Variants in ACAA2 observed in about 807,000 individuals in gnomAD.
The protein encoded by ACAA2 is acetyl-CoA acyltransferase 2.
ACAA2 carries 35 observed loss-of-function variants against 44.8 expected under a neutral mutation model. The observed-to-expected ratio is 0.78, with a 90% CI of 0.60 to 1.04. The LOEUF is 1.04. ACAA2 is among the 50% of genes least tolerant of loss of function. ACAA2 has a pLI of 0.00. For missense variants in ACAA2, 468 were observed against 482.6 expected (o/e 0.97, Z 0.28); for synonymous variants, 142 against 166.5 (o/e 0.85, Z 1.13).
At chr18:49,786,299 C>T (rs2023328429) in intron 8 of ACAA2, 1 of 152,136 alleles carries the variant, frequency 6.6e-6, no homozygotes, top group East Asian at 1.9e-4. Context: ...AAACTATGGT[C>T]TGAGTTATGT....
At chr18:49,790,199 T>A (rs540673940) in intron 7 of ACAA2, among the ~76,000 whole-genome samples, 1 of 152,236 alleles carries the variant, frequency 6.6e-6, no homozygotes, top group Non-Finnish European at 1.5e-5. Context: ...AAGCTTAAGA[T>A]TGACTTTTCA....
intron 5 of ACAA2, among the ~76,000 whole-genome samples, chr18:49,793,338 T>C (rs555897975): frequency 7.0e-4 from 106 of 152,364 alleles, no homozygotes; most frequent in African/African-American, 2.5e-3. Context: ...TTTCCTTATA[T>C]GCCCTTATTT....
chr18:49,795,797 G>C lies in ACAA2; in HGVS notation c.397C>G (p.Arg133Gly), dbSNP rs760617913. ...TCTGATCCAAGCTTGGTTCCAAAAC[G>C]CACATTTCTGACACAGTAGGGAGCT... ...SQAPYCVRNVRFGTKLGSDIK... is the reference protein window; with the variant it reads ...SQAPYCVRNVGFGTKLGSDIK... Residue 133 changes from arginine to glycine, a missense_variant, in exon 4 of 10, where the codon CGT (arginine) becomes GGT (glycine). Arg to Gly is a moderately radical substitution (Grantham distance 125). Coordinates refer to ENST00000285093, the MANE Select transcript of ACAA2 (RefSeq NM_006111.3). The C allele has an allele frequency of 4.4e-6, 7 of 1,608,236 alleles. No individual in the cohort carries two copies.
At position 49,782,483 on chromosome 18, in the gene ACAA2, T is replaced by G. The variant is rs1028765720; in HGVS notation, c.*1364A>C. 1 of 151,476 alleles carries G rather than the reference T, an allele frequency of 6.6e-6. No homozygotes were observed. Among genetic ancestry groups the G allele is most frequent in the Non-Finnish European group, 1.5e-5 (1 of 67,972 alleles). The allele number at this position is 151,476 out of a possible 1,614,324, so 9.4% of individuals were successfully genotyped here. ...AACATCTAGTATTATTTAACATCTATTATTCAGTGAGCCATGACTGTGCCA... is the reference window on the plus strand; with the variant it reads ...AACATCTAGTATTATTTAACATCTAGTATTCAGTGAGCCATGACTGTGCCA... On this transcript the variant is annotated 3_prime_UTR_variant, in exon 10 of 10. Coordinates refer to ENST00000285093, the MANE Select transcript of ACAA2 (RefSeq NM_006111.3).
At chr18:49,796,027 T>C (rs539482588) in intron 3 of ACAA2, 146 bp from the exon 4 acceptor site, 2 of 560,016 alleles carry the variant, frequency 3.6e-6, no homozygotes, top group Non-Finnish European at 6.3e-6. Flanking sequence ...GCTTTTAAAG[T>C]AACTGTAAAG....
intron 7 of ACAA2, 66 bp downstream of exon 7, chr18:49,791,404 C>G (rs1006800802): frequency 2.3e-5 from 35 of 1,542,510 alleles, no homozygotes; most frequent in Middle Eastern, 2.4e-4. Context: ...TTTCAGGACT[C>G]TGAATGCCAA....
chr18:49,802,538 G>A, intron 2 of ACAA2, 149 bp downstream of exon 2: 1 of 699,898 alleles, frequency 1.4e-6, no homozygotes, highest in Non-Finnish European at 2.1e-6. Context: ...CTCCAGCCTG[G>A]CGGCAGAGCG....
At chr18:49,800,371 C>G (rs994801173) in intron 2 of ACAA2, among the ~76,000 whole-genome samples, 1 of 151,740 alleles carries the variant, frequency 6.6e-6, no homozygotes, top group Non-Finnish European at 1.5e-5. Context: ...CCCCTCTGCC[C>G]GGCCACCACC....
chr18:49,784,803 A>G (rs1168732959), intron 9 of ACAA2, among the ~76,000 whole-genome samples: 1 of 152,188 alleles, frequency 6.6e-6, no homozygotes, highest in Non-Finnish European at 1.5e-5. Flanking sequence ...GATTTCATAA[A>G]TTATGGCATC....
At chr18:49,790,617 CTAAG>C (rs577363279) in intron 7 of ACAA2, among the ~76,000 whole-genome samples, 4 of 152,152 alleles carry the variant, frequency 2.6e-5, no homozygotes, top group South Asian at 2.1e-4. Flanking sequence ...TTTTATTTTT[CTAAG>C]TAAGGCACCT....
At chr18:49,788,177 A>AT (rs750132027) in intron 7 of ACAA2, among the ~76,000 whole-genome samples, 8 of 152,220 alleles carry the variant, frequency 5.3e-5, no homozygotes, top group Non-Finnish European at 1.0e-4. Context: ...TTAAATCCAT[A>AT]TTTTTTCTCA....
rs756090533 is a variant in ACAA2 at position 49,785,207 on chromosome 18, GA to G, written c.1098del (p.His367ThrfsTer3). On this transcript the variant is annotated frameshift_variant, in exon 9 of 10. Coordinates refer to ENST00000285093, the MANE Select transcript of ACAA2 (RefSeq NM_006111.3). LOFTEE classifies it low-confidence loss of function (END_TRUNC). ...GSGSRITAHL[V>X]HELRRRGGKY... The stretch of plus-strand genomic sequence containing the variant: ...ATTTCTAGCAAATACCTTAATTCGT[GA>G]ACCAGGTGTGCAGTAATTCTTGATC... 1.3e-5 allele frequency: 21 copies of G among 1,608,776 alleles called. No homozygotes were observed. The highest frequency in any genetic ancestry group is 1.6e-5 in the Non-Finnish European group (19 of 1,178,740).
intron 2 of ACAA2, among the ~76,000 whole-genome samples, chr18:49,801,266 C>A (rs1349687496): frequency 6.6e-6 from 1 of 152,200 alleles, no homozygotes; most frequent in Non-Finnish European, 1.5e-5. Context: ...AAAACTCTAT[C>A]TTGGCCTGAC....
rs199695749 is a variant in ACAA2, at chr18:49,783,872, G to A, written c.1169C>T (p.Ala390Val). 43 of 1,613,864 alleles carry A rather than the reference G, an allele frequency of 2.7e-5. No individual in the cohort carries two copies. The East Asian group carries it at 3.3e-4, about 13-fold the overall frequency. ...SACIGGGQGI[A>V]VIIQSTA Reference sequence around the variant, plus strand: ...TCAGGCTGTGCTCTGAATGATGACAGCAATACCTTGGCCACCTCCAATGCA... The same window carrying A: ...TCAGGCTGTGCTCTGAATGATGACAACAATACCTTGGCCACCTCCAATGCA... Residue 390 changes from alanine (A) to valine (V), a missense_variant, in exon 10 of 10, where the codon GCT becomes GTT. Ala to Val is a moderately conservative substitution (Grantham distance 64). Coordinates refer to ENST00000285093, the MANE Select transcript of ACAA2 (RefSeq NM_006111.3).
chr18:49,785,774 TCA>T (rs1235948079), intron 8 of ACAA2: 1 of 180,470 alleles, frequency 5.5e-6, no homozygotes, highest in East Asian at 1.8e-4. Context: ...AGAGTCACTG[TCA>T]CAGTTAGATA....
At position 49,801,801 on chromosome 18, in the gene ACAA2, T is replaced by C. The variant is rs1445354365; in HGVS notation, c.183+886A>G. ...GAAACTGATCATATATATATATATA[T>C]ATATATATATATATCTTATCTTTTT... On this transcript the variant is annotated intron_variant, in intron 2 of 9. Coordinates refer to ENST00000285093, the MANE Select transcript of ACAA2 (RefSeq NM_006111.3). Among the ~76,000 whole-genome samples, 14 of 142,268 alleles carry C rather than the reference T, an allele frequency of 9.8e-5. 1 individual carries two copies. In the East Asian group the frequency reaches 2.4e-3, roughly 24 times the overall value. 93.3% of individuals were successfully genotyped at this position (142,268 alleles called of 152,430 possible).
intron 7 of ACAA2, among the ~76,000 whole-genome samples, chr18:49,788,656 G>A (rs1487953270): frequency 6.6e-6 from 1 of 152,214 alleles, no homozygotes; most frequent in African/African-American, 2.4e-5. Context: ...GTAGCCAACA[G>A]TGGTGACAGA....
Position 49,797,509 on chromosome 18 carries a change from C to G in ACAA2, c.269G>C (p.Arg90Thr). 1 of 1,611,964 alleles carries G rather than the reference C, an allele frequency of 6.2e-7. No individual in the cohort carries two copies. Among genetic ancestry groups the G allele is most frequent in the Non-Finnish European group, 8.5e-7 (1 of 1,179,698 alleles). ...GGACTGAAAACCAGAACCACAGAGC[C>G]TATTAATCGTGAGAGCTGGGGTCTC... ...PKETPALTIN[R>T]LCGSGFQSIV... Residue 90 changes from arginine (R) to threonine (T), a missense_variant, in exon 3 of 10, where the codon AGG (arginine) becomes ACG (threonine). Coordinates refer to ENST00000285093, the MANE Select transcript of ACAA2 (RefSeq NM_006111.3).
chr18:49,784,022 C>T (rs1317389520), intron 9 of ACAA2, 91 bp from the exon 10 acceptor site: 11 of 1,018,822 alleles, frequency 1.1e-5, no homozygotes, highest in Non-Finnish European at 1.7e-5. Context: ...ATTACTCATC[C>T]TTATTCAGCT....
Sources: gnomAD v4.1 joint callset for allele counts (sites outside exome capture counted in the v4.1 genomes callset) on GRCh38, gnomAD v4.1.1 for gene constraint, MANE v1.5 for transcripts, NCBI Gene and HGNC (gene_info 2026-07-23, HGNC 2026-07-21) for gene names.